XKR6: variants seen among roughly 807,000 people sequenced by gnomAD.
XKR6 encodes the protein XK related 6.
XKR6 carries 22 observed loss-of-function variants against 56.7 expected under a neutral mutation model. That is an observed-to-expected ratio of 0.39 (90% CI 0.28 to 0.55). The LOEUF is 0.55. XKR6 is among the 20% of genes least tolerant of loss of function. The probability of loss-of-function intolerance (pLI) is 0.66; values close to 1 mark genes in which losing one functional copy is unlikely to be tolerated. For missense variants in XKR6, 852 were observed against 889.0 expected, an observed-to-expected ratio of 0.96 and a Z score of 0.53; for synonymous variants, 524 against 387.8, an observed-to-expected ratio of 1.35 and a Z score of -4.13.
chr8:11,151,709 T>A (rs765337689), intron 1 of XKR6, among the ~76,000 whole-genome samples: 2 of 151,966 alleles, frequency 1.3e-5, no homozygotes, highest in African/African-American at 4.8e-5. Flanking sequence ...TTTTTTTTTT[T>A]AATTTTCTCA....
At chr8:10,956,212 T>C (rs1341958660) in intron 1 of XKR6, among the ~76,000 whole-genome samples, 1 of 152,250 alleles carries the variant, frequency 6.6e-6, no homozygotes, top group Non-Finnish European at 1.5e-5. Context: ...TACAGTTTTC[T>C]AGGGCTGATC....
chr8:11,008,219 C>A (rs1798417038), intron 1 of XKR6, among the ~76,000 whole-genome samples: 1 of 152,158 alleles, frequency 6.6e-6, no homozygotes, highest in Non-Finnish European at 1.5e-5. Context: ...TTGTCTTCCC[C>A]AATCCATCCC....
At chr8:11,069,364 C>A (rs1322178849) in intron 1 of XKR6, among the ~76,000 whole-genome samples, 1 of 152,122 alleles carries the variant, frequency 6.6e-6, no homozygotes, top group East Asian at 1.9e-4. Context: ...CCAGAGGATG[C>A]CAGCTCTCCC....
chr8:11,008,211 G>C (rs143924024), intron 1 of XKR6, among the ~76,000 whole-genome samples: 17 of 152,090 alleles, frequency 1.1e-4, no homozygotes, highest in African/African-American at 3.6e-4. Context: ...TCTCTAGCTT[G>C]TCTTCCCCAA....
chr8:11,156,337 C>G (rs1415082092), intron 1 of XKR6, among the ~76,000 whole-genome samples: 2 of 152,230 alleles, frequency 1.3e-5, no homozygotes, highest in Non-Finnish European at 2.9e-5. Context: ...CCCTCTGCAG[C>G]TTTCCCTACC....
intron 1 of XKR6, among the ~76,000 whole-genome samples, chr8:11,174,625 G>A (rs183236535): frequency 5.5e-4 from 83 of 152,244 alleles, no homozygotes; most frequent in African/African-American, 1.9e-3. Context: ...GTGAGGCAAG[G>A]AACAAAGCGG....
At chr8:11,120,151 C>A (rs548529850) in intron 1 of XKR6, among the ~76,000 whole-genome samples, 137 of 152,318 alleles carry the variant, frequency 9.0e-4, no homozygotes, top group Non-Finnish European at 1.2e-3. Context: ...TCTCTCACCA[C>A]TCCTATTCAA....
intron 1 of XKR6, among the ~76,000 whole-genome samples, chr8:11,063,249 G>C (rs1032904601): frequency 6.6e-6 from 1 of 151,846 alleles, no homozygotes; most frequent in African/African-American, 2.4e-5. Flanking sequence ...AGATTAGCTT[G>C]TCTTCAGAGG....
chr8:11,108,373 C>T (rs755358667), intron 1 of XKR6: 18 of 455,556 alleles, frequency 4.0e-5, no homozygotes, highest in South Asian at 9.3e-5. Context: ...ACACATGTTA[C>T]GCTGTAAATC....
chr8:11,090,798 T>C (rs1055930520), intron 1 of XKR6, among the ~76,000 whole-genome samples: 1 of 152,348 alleles, frequency 6.6e-6, no homozygotes, highest in East Asian at 1.9e-4. Context: ...GTTGGTTCTA[T>C]GTCCTGCAAA....
At chr8:11,129,550 C>G (rs909342023) in intron 1 of XKR6, among the ~76,000 whole-genome samples, 1 of 152,082 alleles carries the variant, frequency 6.6e-6, no homozygotes, top group Non-Finnish European at 1.5e-5. Context: ...AACTCTAGAA[C>G]CCAATAAGAA....
Position 11,201,474 on chromosome 8 carries a change from G to C in XKR6, c.-135C>G. Reference sequence around the variant, plus strand: ...GGAGGAAGCGGGGGAGCAAACGAACGAGGGGGGAGTGGGCCAGGGAACCCC... The same window carrying C: ...GGAGGAAGCGGGGGAGCAAACGAACCAGGGGGGAGTGGGCCAGGGAACCCC... On this transcript the variant is annotated 5_prime_UTR_variant, in exon 1 of 3. Transcript: ENST00000416569. 1 of 571,186 alleles carries C rather than the reference G, an allele frequency of 1.8e-6. No homozygotes were observed. The highest frequency in any genetic ancestry group is 3.0e-6 in the Non-Finnish European group (1 of 329,686). 35.4% of individuals were successfully genotyped at this position (571,186 alleles called of 1,614,324 possible).
At chr8:11,178,938 G>A (rs1038581941) in intron 1 of XKR6, among the ~76,000 whole-genome samples, 2 of 150,954 alleles carry the variant, frequency 1.3e-5, no homozygotes, top group Non-Finnish European at 2.9e-5. Flanking sequence ...GGTCTCCCAA[G>A]CTCAAATAAT....
At chr8:10,992,214 T>A (rs896669072) in intron 1 of XKR6, among the ~76,000 whole-genome samples, 1 of 152,134 alleles carries the variant, frequency 6.6e-6, no homozygotes, top group Non-Finnish European at 1.5e-5. Context: ...AATTAATAGA[T>A]GGTGGTAAAT....
At chr8:11,079,744 A>C (rs898906095) in intron 1 of XKR6, among the ~76,000 whole-genome samples, 5 of 152,318 alleles carry the variant, frequency 3.3e-5, no homozygotes, top group Admixed American at 2.6e-4. Flanking sequence ...AAGATTGCTT[A>C]AGGCCAGGAG....
At chr8:11,108,621 G>C (rs1025169038) in intron 1 of XKR6, 1 of 303,384 alleles carries the variant, frequency 3.3e-6, no homozygotes, top group South Asian at 2.9e-5. Flanking sequence ...GAGAGTTTCC[G>C]TCCATTTCAT....
intron 1 of XKR6, among the ~76,000 whole-genome samples, chr8:10,933,632 T>C (rs6982468): frequency 0.15 from 9,777 of 64,332 alleles, 850 homozygotes; most frequent in African/African-American, 0.23. Context: ...CCAGTTTTCC[T>C]AGCACCATTT....
chr8:10,905,624 T>A (rs1371283962), intron 2 of XKR6, among the ~76,000 whole-genome samples: 1 of 152,146 alleles, frequency 6.6e-6, no homozygotes, highest in Non-Finnish European at 1.5e-5. Context: ...TCAGTCTGCA[T>A]ATCAAGGACA....
At chr8:11,030,919 A>G (rs988734684) in intron 1 of XKR6, among the ~76,000 whole-genome samples, 2 of 152,206 alleles carry the variant, frequency 1.3e-5, no homozygotes, top group Non-Finnish European at 2.9e-5. Flanking sequence ...CAACTGCCCT[A>G]TGAAGTAGGT....
Sources: allele counts gnomAD v4.1 joint callset (sites outside exome capture counted in the v4.1 genomes callset), GRCh38; gene constraint gnomAD v4.1.1; transcripts MANE v1.5; gene names NCBI Gene and HGNC (gene_info 2026-07-23, HGNC 2026-07-21).